Variants in NCKAP5 observed in about 807,000 individuals in gnomAD.
The protein encoded by NCKAP5 is nck-associated protein 5.
A neutral mutation model predicts 167.0 loss-of-function variants in NCKAP5; 92 were observed. The ratio of observed to expected loss-of-function variants is 0.55; its 90% CI spans 0.47 to 0.66. NCKAP5 has a LOEUF of 0.66. Ranked by LOEUF, NCKAP5 falls within the 30% of genes least tolerant of loss-of-function variation. The pLI, the probability that NCKAP5 is intolerant of heterozygous loss-of-function variation, is 0.00. For missense variants in NCKAP5, 2,378 were observed against 2,315.0 expected (o/e 1.03, Z -0.56); for synonymous variants, 891 against 877.4 (o/e 1.02, Z -0.27).
intron 16 of NCKAP5, among the ~76,000 whole-genome samples, chr2:132,762,643 T>C (rs1461927900): frequency 6.6e-6 from 1 of 152,236 alleles, no homozygotes; most frequent in Non-Finnish European, 1.5e-5. Context: ...GGTCTGCCTC[T>C]GGCTCTGGCA....
intron 4 of NCKAP5, among the ~76,000 whole-genome samples, chr2:133,238,271 G>T (rs1195963234): frequency 6.6e-6 from 1 of 152,092 alleles, no homozygotes; most frequent in Non-Finnish European, 1.5e-5. Context: ...TGGCTCATGT[G>T]CTTGAGGCTC....
chr2:133,074,096 A>T (rs2080513175), intron 6 of NCKAP5, among the ~76,000 whole-genome samples: 1 of 152,236 alleles, frequency 6.6e-6, no homozygotes, highest in Non-Finnish European at 1.5e-5. Flanking sequence ...TTCTTTGGAC[A>T]TACACCAAAG....
intron 5 of NCKAP5, among the ~76,000 whole-genome samples, chr2:133,142,248 CA>C (rs1477048848): frequency 6.6e-6 from 1 of 152,064 alleles, no homozygotes; most frequent in African/African-American, 2.4e-5. Flanking sequence ...TCACAACAGA[CA>C]ATCTCACTTT....
intron 4 of NCKAP5, among the ~76,000 whole-genome samples, chr2:133,290,896 G>A (rs1679547993): frequency 6.6e-6 from 1 of 151,764 alleles, no homozygotes; most frequent in African/African-American, 2.4e-5. Context: ...TGAGACCCAG[G>A]AGCACTCACC....
chr2:133,413,441 C>G (rs897869647), intron 3 of NCKAP5, among the ~76,000 whole-genome samples: 4 of 152,088 alleles, frequency 2.6e-5, no homozygotes, highest in Admixed American at 2.6e-4. Context: ...AAGGAATGAA[C>G]TGATAAGATC....
intron 4 of NCKAP5, among the ~76,000 whole-genome samples, chr2:133,273,797 C>CAA (rs1264100518): frequency 3.3e-4 from 44 of 135,226 alleles, no homozygotes; most frequent in African/African-American, 1.1e-3. Flanking sequence ...TATTAATTTC[C>CAA]AAAAAAAAAT....
chr2:133,516,364 G>A (rs112229952), intron 3 of NCKAP5, among the ~76,000 whole-genome samples: 1 of 152,192 alleles, frequency 6.6e-6, no homozygotes, highest in African/African-American at 2.4e-5. Flanking sequence ...TCAGATCTAC[G>A]GAGAGGAGAA....
intron 5 of NCKAP5, among the ~76,000 whole-genome samples, chr2:133,200,801 A>T (rs2085652489): frequency 6.6e-6 from 1 of 152,154 alleles, no homozygotes; most frequent in Non-Finnish European, 1.5e-5. Context: ...AAACAGCCCA[A>T]ATATCTGTCA....
chr2:132,948,496 C>G (rs1415720704), intron 8 of NCKAP5, among the ~76,000 whole-genome samples: 2 of 152,086 alleles, frequency 1.3e-5, no homozygotes, highest in Non-Finnish European at 2.9e-5. Context: ...GAACCAGCAG[C>G]GGCTGACAGG....
At chr2:133,011,082 GATAAT>G (rs1413038606) in intron 6 of NCKAP5, among the ~76,000 whole-genome samples, 1 of 152,146 alleles carries the variant, frequency 6.6e-6, no homozygotes, top group Non-Finnish European at 1.5e-5. Flanking sequence ...AAGAATGAGT[GATAAT>G]ATACTACATT....
intron 5 of NCKAP5, among the ~76,000 whole-genome samples, chr2:133,211,388 G>A (rs541699311): frequency 9.9e-5 from 15 of 151,872 alleles, no homozygotes; most frequent in Non-Finnish European, 1.6e-4. Flanking sequence ...GCACCACCAC[G>A]CCTGGCTAAT....
intron 3 of NCKAP5, among the ~76,000 whole-genome samples, chr2:133,341,239 C>A (rs1212608803): frequency 6.6e-6 from 1 of 151,500 alleles, no homozygotes; most frequent in Non-Finnish European, 1.5e-5. Flanking sequence ...CCAACTGGGT[C>A]AGACACAGCA....
intron 3 of NCKAP5, among the ~76,000 whole-genome samples, chr2:133,397,290 C>T (rs569231020): frequency 1.3e-5 from 2 of 152,184 alleles, no homozygotes; most frequent in Admixed American, 6.5e-5. Context: ...TTCTTATGGC[C>T]TCTTTTCATG....
In NCKAP5 at chr2:133,457,704, G is replaced by A. The variant is rs190672808; in HGVS notation, c.69+59754C>T. On this transcript the variant is annotated intron_variant, in intron 3 of 19. Transcript: ENST00000409261. ...GTGCAAGGCAACTCAAATAGCATTC[G>A]TTTGTGTAATTTGAAAAAAGGAAAT... Among the ~76,000 whole-genome samples the A allele has an allele frequency of 2.1e-3, 312 of 152,168 alleles. 1 individual carries two copies. The highest frequency in any genetic ancestry group is 6.7e-3 in the African/African-American group (277 of 41,532).
chr2:133,454,106 C>G (rs1314142688), intron 3 of NCKAP5, among the ~76,000 whole-genome samples: 1 of 151,832 alleles, frequency 6.6e-6, no homozygotes, highest in African/African-American at 2.4e-5. Context: ...AACTGGTTGC[C>G]TATAATAAGA....
At chr2:133,065,366 C>T (rs1305464476) in intron 6 of NCKAP5, among the ~76,000 whole-genome samples, 5 of 152,166 alleles carry the variant, frequency 3.3e-5, no homozygotes, top group Admixed American at 3.3e-4. Flanking sequence ...GTGGCTTATG[C>T]CTATAATCAA....
chr2:133,318,707 T>C (rs553940560), intron 3 of NCKAP5, among the ~76,000 whole-genome samples: 1 of 152,268 alleles, frequency 6.6e-6, no homozygotes, highest in Admixed American at 6.5e-5. Flanking sequence ...TGAAAGCCCT[T>C]GTGCCCAGGG....
chr2:133,065,721 G>A (rs2080169853), intron 6 of NCKAP5, among the ~76,000 whole-genome samples: 1 of 152,174 alleles, frequency 6.6e-6, no homozygotes, highest in Non-Finnish European at 1.5e-5. Context: ...TCTACCAGCA[G>A]GCAAGAGGAC....
At chr2:133,441,094 TCA>T (rs56053040) in intron 3 of NCKAP5, among the ~76,000 whole-genome samples, 107,302 of 149,506 alleles carry the variant, frequency 0.72, 38,973 homozygotes, top group Non-Finnish European at 0.78. Context: ...ACACACACAC[TCA>T]CACACACACA....
Sources: allele counts gnomAD v4.1 joint callset (sites outside exome capture counted in the v4.1 genomes callset), GRCh38; gene constraint gnomAD v4.1.1; transcripts MANE v1.5; gene names NCBI Gene and HGNC (gene_info 2026-07-23, HGNC 2026-07-21).